Variants in PTPRD observed in about 807,000 individuals in gnomAD.
PTPRD encodes the protein receptor-type tyrosine-protein phosphatase delta.
Under a neutral mutation model 214.5 loss-of-function variants are expected in PTPRD, and 34 were observed. That is an observed-to-expected ratio of 0.16 (90% CI 0.12 to 0.21). PTPRD has a LOEUF of 0.21. Ranked by LOEUF, PTPRD falls within the 10% of genes least tolerant of loss-of-function variation. The pLI is 1.00. For missense variants in PTPRD, 2,545 were observed against 2,398.7 expected, an observed-to-expected ratio of 1.06 and a Z score of -1.27; for synonymous variants, 1,128 against 845.7, an observed-to-expected ratio of 1.33 and a Z score of -5.79.
In PTPRD at chr9:8,340,424, G is replaced by A. The variant is rs767661711; in HGVS notation, c.5172C>T (p.Thr1724=). 1.2e-6 allele frequency: 2 copies of A among 1,608,930 alleles called. No homozygotes were observed. Among genetic ancestry groups the A allele is most frequent in the Non-Finnish European group, 1.7e-6 (2 of 1,176,380 alleles). ...YIATQGPLAE[T]TEDFWRMLWE... ...AGAGCATCCGCCAGAAGTCTTCAGT[G>A]GTCTCTGCCAAGGGCCCCTGGGTAG... The change falls in exon 42 of 46, where the codon ACC becomes ACT. Residue 1724 remains threonine (T), a synonymous_variant. Coordinates refer to ENST00000381196, the MANE Select transcript of PTPRD (RefSeq NM_002839.4).
chr9:9,708,865 A>G (rs1263262496), intron 7 of PTPRD, among the ~76,000 whole-genome samples: 1 of 152,040 alleles, frequency 6.6e-6, no homozygotes, highest in African/African-American at 2.4e-5. Context: ...TAAATTTAAA[A>G]AACACAATTT....
intron 8 of PTPRD, among the ~76,000 whole-genome samples, chr9:9,438,590 A>T (rs893900423): frequency 5.3e-5 from 8 of 152,190 alleles, no homozygotes; most frequent in Non-Finnish European, 1.0e-4. Flanking sequence ...CAACCAAAGC[A>T]TCTATCCCTC....
intron 12 of PTPRD, among the ~76,000 whole-genome samples, chr9:8,665,041 A>T (rs2097143217): frequency 6.6e-6 from 1 of 152,180 alleles, no homozygotes; most frequent in Admixed American, 6.5e-5. Flanking sequence ...ATGCACCTTG[A>T]TTTTGTCAAA....
chr9:9,161,461 A>C (rs1271991327), intron 10 of PTPRD, among the ~76,000 whole-genome samples: 2 of 152,160 alleles, frequency 1.3e-5, no homozygotes, highest in African/African-American at 4.8e-5. Flanking sequence ...TGCTGAGAAG[A>C]GAAAGTGTGG....
intron 8 of PTPRD, among the ~76,000 whole-genome samples, chr9:9,526,256 G>C (rs2074095234): frequency 6.6e-6 from 1 of 152,080 alleles, no homozygotes; most frequent in African/African-American, 2.4e-5. Context: ...ATGAGCATTT[G>C]AGCTTTTCAA....
intron 12 of PTPRD, among the ~76,000 whole-genome samples, chr9:8,672,215 T>C (rs1565165777): frequency 6.6e-6 from 1 of 152,172 alleles, no homozygotes; most frequent in Non-Finnish European, 1.5e-5. Context: ...CTTAAATCCA[T>C]TTCTTCGCTG....
At chr9:8,770,634 A>T (rs1314391268) in intron 11 of PTPRD, among the ~76,000 whole-genome samples, 1 of 152,134 alleles carries the variant, frequency 6.6e-6, no homozygotes, top group Non-Finnish European at 1.5e-5. Flanking sequence ...CCAAAAACAG[A>T]TCTACTTGAT....
At chr9:8,801,687 G>C (rs2096574485) in intron 11 of PTPRD, among the ~76,000 whole-genome samples, 2 of 152,156 alleles carry the variant, frequency 1.3e-5, no homozygotes, top group African/African-American at 4.8e-5. Context: ...CTGCACTCCA[G>C]CCTGGGCGAC....
intron 14 of PTPRD, among the ~76,000 whole-genome samples, chr9:8,542,857 T>C (rs1193551975): frequency 1.3e-5 from 2 of 152,198 alleles, no homozygotes; most frequent in Non-Finnish European, 2.9e-5. Context: ...GGAGCCAGTC[T>C]AGAATGGGTT....
chr9:10,590,801 C>G (rs1361471504), intron 2 of PTPRD, among the ~76,000 whole-genome samples: 1 of 151,768 alleles, frequency 6.6e-6, no homozygotes, highest in Admixed American at 6.6e-5. Flanking sequence ...AAACAAAAAC[C>G]CATTCATTAT....
chr9:9,623,992 A>G (rs905556391), intron 7 of PTPRD, among the ~76,000 whole-genome samples: 1 of 152,200 alleles, frequency 6.6e-6, no homozygotes, highest in Non-Finnish European at 1.5e-5. Flanking sequence ...GGAAACTCAA[A>G]AACAAAAGCA....
At position 9,845,164 on chromosome 9, in the gene PTPRD, CAATATA is replaced by C. The variant is rs1312477388; in HGVS notation, c.-367-78319_-367-78314del. ...TATATATATTGCTCTATATATAGAG[CAATATA>C]TATATATATATTGCTCTATATATAT... is the stretch of plus-strand genomic sequence containing the variant. On this transcript the variant is annotated intron_variant, in intron 5 of 45. Coordinates refer to ENST00000381196, the MANE Select transcript of PTPRD (RefSeq NM_002839.4). Among the ~76,000 whole-genome samples the C allele has an allele frequency of 9.7e-3, 73 of 7,546 alleles. 1 individual carries two copies. Among genetic ancestry groups the C allele is most frequent in the Non-Finnish European group, 0.019 (32 of 1,688 alleles). The allele number at this position is 7,546 out of a possible 152,430, so 5.0% of individuals were successfully genotyped here. A position where few individuals can be genotyped will look rare whatever the true frequency, so the allele number is the denominator to read the frequency against.
chr9:9,558,026 A>C (rs1481905782), intron 8 of PTPRD, among the ~76,000 whole-genome samples: 1 of 152,190 alleles, frequency 6.6e-6, no homozygotes, highest in African/African-American at 2.4e-5. Flanking sequence ...ACTTGCCTTC[A>C]GGGTCAGCAG....
intron 9 of PTPRD, among the ~76,000 whole-genome samples, chr9:9,216,072 T>C (rs897606437): frequency 6.6e-6 from 1 of 152,132 alleles, no homozygotes; most frequent in South Asian, 2.1e-4. Flanking sequence ...GAATTTTGAT[T>C]CCATTCCTTA....
chr9:8,454,097 T>C (rs975471417), intron 33 of PTPRD, among the ~76,000 whole-genome samples: 2 of 152,160 alleles, frequency 1.3e-5, no homozygotes, highest in Non-Finnish European at 2.9e-5. Context: ...CTGGGAGACA[T>C]GGATAATAAT....
intron 5 of PTPRD, among the ~76,000 whole-genome samples, chr9:9,917,275 T>A (rs547459116): frequency 1.2e-5 from 1 of 83,292 alleles, no homozygotes; most frequent in Non-Finnish European, 2.4e-5. Context: ...TCTGAGAAGA[T>A]GAAATTGACA....
intron 7 of PTPRD, among the ~76,000 whole-genome samples, chr9:9,594,240 T>C (rs907734456): frequency 4.6e-5 from 7 of 152,084 alleles, no homozygotes; most frequent in African/African-American, 1.7e-4. Flanking sequence ...CACATGCCAA[T>C]TCTATAGATG....
chr9:8,532,562 G>A (rs940538226), intron 14 of PTPRD, among the ~76,000 whole-genome samples: 2 of 152,030 alleles, frequency 1.3e-5, no homozygotes, highest in African/African-American at 2.4e-5. Flanking sequence ...ACTTTTACAT[G>A]AGGTGAAAAG....
At chr9:8,376,469 TG>T in intron 38 of PTPRD, 137 bp downstream of exon 38, 1 of 1,255,116 alleles carries the variant, frequency 8.0e-7, no homozygotes, top group East Asian at 2.5e-5. Flanking sequence ...TGAGTGATAA[TG>T]GAAGATCTAT....
Sources: allele counts gnomAD v4.1 joint callset (sites outside exome capture counted in the v4.1 genomes callset), GRCh38; gene constraint gnomAD v4.1.1; transcripts MANE v1.5; gene names NCBI Gene and HGNC (gene_info 2026-07-23, HGNC 2026-07-21).